Variants in GRIA4 observed in about 807,000 individuals in gnomAD.
GRIA4 encodes glutamate ionotropic receptor AMPA type subunit 4.
In GRIA4, 34 loss-of-function variants were observed where a neutral mutation model predicts 104.0. The ratio of observed to expected loss-of-function variants is 0.33; its 90% confidence interval spans 0.25 to 0.44. The LOEUF is 0.44. Ranked by LOEUF, GRIA4 falls within the 20% of genes least tolerant of loss-of-function variation. GRIA4 has a pLI of 1.00. For missense variants in GRIA4, 750 were observed against 1,096.5 expected (o/e 0.68, Z 4.46); for synonymous variants, 386 against 381.9 (o/e 1.01, Z -0.13).
intron 4 of GRIA4, among the ~76,000 whole-genome samples, chr11:105,785,879 C>T (rs562310833): frequency 2.0e-4 from 30 of 152,140 alleles, no homozygotes; most frequent in South Asian, 1.9e-3. Context: ...GGGGTGGTGA[C>T]TCACACCTGT....
chr11:105,708,204 A>G (rs1409607314), intron 3 of GRIA4, among the ~76,000 whole-genome samples: 2 of 152,148 alleles, frequency 1.3e-5, no homozygotes, highest in Non-Finnish European at 2.9e-5. Context: ...AGGAGTAACA[A>G]TAGTATGCTG....
At chr11:105,866,547 G>GTATATATATA (rs1240615789) in intron 5 of GRIA4, among the ~76,000 whole-genome samples, 7 of 42,642 alleles carry the variant, frequency 1.6e-4, no homozygotes, top group East Asian at 1.5e-3. Context: ...GTGTGTGTGT[G>GTATATATATA]TGTGTATATA....
intron 3 of GRIA4, among the ~76,000 whole-genome samples, chr11:105,667,423 A>G (rs1445615): frequency 0.97 from 147,823 of 152,012 alleles, 71,974 homozygotes; most frequent in Non-Finnish European, 1. Context: ...AAATAGCTCA[A>G]AAAGAAATGA....
At chr11:105,806,267 G>C (rs1942949627) in intron 4 of GRIA4, among the ~76,000 whole-genome samples, 1 of 151,682 alleles carries the variant, frequency 6.6e-6, no homozygotes, top group Non-Finnish European at 1.5e-5. Context: ...AAAATTGGGG[G>C]GCCAGTCAAG....
At chr11:105,627,816 A>G (rs1030620476) in intron 3 of GRIA4, among the ~76,000 whole-genome samples, 2 of 152,166 alleles carry the variant, frequency 1.3e-5, no homozygotes, top group African/African-American at 4.8e-5. Context: ...AGGCAATAAA[A>G]TCTCCCTACA....
chr11:105,759,129 T>C (rs1350610290), intron 4 of GRIA4, among the ~76,000 whole-genome samples: 1 of 152,144 alleles, frequency 6.6e-6, no homozygotes, highest in Non-Finnish European at 1.5e-5. Context: ...TATAAGTTCC[T>C]GGTATTAGTA....
intron 4 of GRIA4, among the ~76,000 whole-genome samples, chr11:105,768,125 T>C (rs920477618): frequency 6.6e-6 from 1 of 152,152 alleles, no homozygotes; most frequent in Non-Finnish European, 1.5e-5. Flanking sequence ...TATGGTCTTT[T>C]GTGTGATCAC....
At chr11:105,751,238 G>T (rs1223496112) in intron 3 of GRIA4, among the ~76,000 whole-genome samples, 1 of 152,052 alleles carries the variant, frequency 6.6e-6, no homozygotes, top group Non-Finnish European at 1.5e-5. Flanking sequence ...CCCTCAGTTT[G>T]CAAGAAAATC....
chr11:105,905,907 C>A (rs1282793020), intron 9 of GRIA4, among the ~76,000 whole-genome samples: 1 of 152,104 alleles, frequency 6.6e-6, no homozygotes, highest in Non-Finnish European at 1.5e-5. Context: ...TAGGAGCGGT[C>A]TTCCCAGCAT....
At chr11:105,724,676 A>C (rs1185378504) in intron 3 of GRIA4, among the ~76,000 whole-genome samples, 1 of 152,138 alleles carries the variant, frequency 6.6e-6, no homozygotes, top group African/African-American at 2.4e-5. Flanking sequence ...GAAATTACTT[A>C]ATGAATGCAG....
At chr11:105,829,175 G>A (rs1943882777) in intron 4 of GRIA4, among the ~76,000 whole-genome samples, 1 of 151,610 alleles carries the variant, frequency 6.6e-6, no homozygotes, top group Admixed American at 6.6e-5. Context: ...GAATAATGAG[G>A]CTCATTAAGA....
chr11:105,955,533 T>C (rs1253204231), intron 14 of GRIA4, among the ~76,000 whole-genome samples: 1 of 152,208 alleles, frequency 6.6e-6, no homozygotes. Flanking sequence ...TTGATGGGCA[T>C]ATTGGTCGGT....
At chr11:105,798,074 C>T (rs933547211) in intron 4 of GRIA4, among the ~76,000 whole-genome samples, 1 of 151,794 alleles carries the variant, frequency 6.6e-6, no homozygotes, top group Admixed American at 6.6e-5. Context: ...ATATATAAAA[C>T]CACACATAGA....
intron 6 of GRIA4, among the ~76,000 whole-genome samples, chr11:105,894,954 C>T (rs913596498): frequency 7.2e-6 from 1 of 137,956 alleles, no homozygotes; most frequent in Non-Finnish European, 1.6e-5. Flanking sequence ...CGCCCGCCAC[C>T]GCGCCCGGCT....
chr11:105,626,264 T>A (rs1037937620), intron 3 of GRIA4, among the ~76,000 whole-genome samples: 2 of 151,794 alleles, frequency 1.3e-5, no homozygotes, highest in Admixed American at 1.3e-4. Context: ...AGAGCACACA[T>A]ACACACATAC....
chr11:105,888,749 G>C (rs1045065083), intron 6 of GRIA4, among the ~76,000 whole-genome samples: 4 of 152,080 alleles, frequency 2.6e-5, no homozygotes, highest in African/African-American at 9.7e-5. Flanking sequence ...AGTGAACTGG[G>C]TTTGGTTGTG....
At chr11:105,792,168 C>T (rs1428664094) in intron 4 of GRIA4, among the ~76,000 whole-genome samples, 1 of 152,050 alleles carries the variant, frequency 6.6e-6, no homozygotes. Flanking sequence ...TTCATAATGA[C>T]TATTAAGCTT....
In GRIA4 at chr11:105,980,324, CT is replaced by C. The variant is rs1161342551; in HGVS notation, c.*590del. The C allele has an allele frequency of 6.6e-6, 1 of 152,594 alleles. No individual in the cohort carries two copies. The highest frequency in any genetic ancestry group is 1.5e-5 in the Non-Finnish European group (1 of 68,050). The allele number at this position is 152,594 out of a possible 1,614,324, so 9.5% of individuals were successfully genotyped here. A position where few individuals can be genotyped will look rare whatever the true frequency, so the allele number is the denominator to read the frequency against. Reference sequence around the variant, plus strand: ...GAAAACAAATACTGAAACATGCTTGCTTTTTAACTGACGTAAATTCAGTAGA... The same window carrying C: ...GAAAACAAATACTGAAACATGCTTGCTTTTAACTGACGTAAATTCAGTAGA... On this transcript the variant is annotated 3_prime_UTR_variant, in exon 17 of 17. Transcript: ENST00000282499.
chr11:105,929,492 T>C (rs1348716031), intron 13 of GRIA4, among the ~76,000 whole-genome samples: 1 of 152,164 alleles, frequency 6.6e-6, no homozygotes, highest in Non-Finnish European at 1.5e-5. Flanking sequence ...TTAAAGAGTC[T>C]GTACTTGTCA....
Sources: allele counts gnomAD v4.1 joint callset (sites outside exome capture counted in the v4.1 genomes callset), GRCh38; gene constraint gnomAD v4.1.1; transcripts MANE v1.5; gene names NCBI Gene and HGNC (gene_info 2026-07-23, HGNC 2026-07-21).